CA10: variants seen among roughly 807,000 people sequenced by gnomAD.
The protein encoded by CA10 is carbonic anhydrase-related protein 10.
In CA10, 14 loss-of-function variants were observed where a neutral mutation model predicts 44.2. The observed-to-expected ratio is 0.32, with a 90% CI of 0.21 to 0.50. The LOEUF is 0.50. CA10 is among the 20% of genes least tolerant of loss of function. CA10 has a pLI of 0.99. For missense variants in CA10, 350 were observed against 409.7 expected, an observed-to-expected ratio of 0.85 and a Z score of 1.26; for synonymous variants, 159 against 141.6, an observed-to-expected ratio of 1.12 and a Z score of -0.87.
intron 4 of CA10, among the ~76,000 whole-genome samples, chr17:51,725,936 ATGAGAACACAC>A (rs1431372468): frequency 2.0e-5 from 3 of 151,796 alleles, no homozygotes; most frequent in African/African-American, 7.3e-5. Flanking sequence ...GTGAAGTGTA[ATGAGAACACAC>A]TTACACATTC....
chr17:52,030,212 G>T (rs1986423701), intron 2 of CA10, among the ~76,000 whole-genome samples: 1 of 152,192 alleles, frequency 6.6e-6, no homozygotes, highest in Non-Finnish European at 1.5e-5. Flanking sequence ...TGCATGAATG[G>T]TTCTGGCCTT....
chr17:52,005,514 T>C (rs563802758), intron 2 of CA10, among the ~76,000 whole-genome samples: 40 of 152,048 alleles, frequency 2.6e-4, no homozygotes, highest in African/African-American at 9.6e-4. Flanking sequence ...TCACACAATA[T>C]GACTCTTTAG....
intron 4 of CA10, among the ~76,000 whole-genome samples, chr17:51,707,464 A>T (rs545265267): frequency 1.3e-5 from 2 of 152,286 alleles, no homozygotes; most frequent in East Asian, 3.9e-4. Context: ...TAGCTCTCAC[A>T]GGTTGCCAGA....
In CA10 at chr17:52,072,312, T is replaced by G; in HGVS notation, c.136+7A>C. The G allele has an allele frequency of 1.3e-6, 2 of 1,577,360 alleles. No individual in the cohort carries two copies. The highest frequency in any genetic ancestry group is 1.7e-6 in the Non-Finnish European group (2 of 1,146,958). ...ATAAATAAATTAAAGAATTAATGTG[T>G]ACTTACCTGGAACAAAGCTTCCCTG... On this transcript the variant is annotated splice_region_variant and intron_variant, in intron 2 of 8. Transcript: ENST00000451037.
At chr17:51,823,396 G>A (rs886331894) in intron 3 of CA10, among the ~76,000 whole-genome samples, 14 of 152,320 alleles carry the variant, frequency 9.2e-5, no homozygotes, top group South Asian at 4.1e-4. Context: ...TCCTCTACTC[G>A]TGGTTGGACG....
At chr17:51,637,855 C>T (rs951818995) in intron 6 of CA10, among the ~76,000 whole-genome samples, 2 of 152,246 alleles carry the variant, frequency 1.3e-5, no homozygotes, top group East Asian at 1.9e-4. Context: ...ACTAGAACCT[C>T]TTTGTGCTAG....
In CA10 at chr17:51,958,983, T is replaced by C. The variant is rs183792622; in HGVS notation, c.137-27851A>G. Among the ~76,000 whole-genome samples, 4 of 152,250 alleles carry C rather than the reference T, an allele frequency of 2.6e-5. No individual in the cohort carries two copies. The East Asian group carries it at 7.7e-4, about 29-fold the overall frequency. ...TTGGGGAATGAAATGAAATGGAAAG[T>C]AGTATCAATATGGTATTAAGCTTAA... On this transcript the variant is annotated intron_variant, in intron 2 of 8. Transcript: ENST00000451037.
At chr17:51,983,365 C>A (rs1984718160) in intron 2 of CA10, among the ~76,000 whole-genome samples, 1 of 151,792 alleles carries the variant, frequency 6.6e-6, no homozygotes, top group Non-Finnish European at 1.5e-5. Context: ...ATCTCTCTCA[C>A]ATAAGGCTTT....
chr17:51,834,914 T>C (rs1013661272), intron 3 of CA10, among the ~76,000 whole-genome samples: 1 of 152,186 alleles, frequency 6.6e-6, no homozygotes, highest in Admixed American at 6.5e-5. Flanking sequence ...AGGATCAGTA[T>C]GACAATTCTA....
At chr17:51,978,860 A>C (rs901973004) in intron 2 of CA10, among the ~76,000 whole-genome samples, 11 of 152,058 alleles carry the variant, frequency 7.2e-5, no homozygotes, top group African/African-American at 2.2e-4. Flanking sequence ...TTCAAGCAAT[A>C]AGTCTCATGA....
chr17:51,756,938 G>T (rs796160436), intron 3 of CA10, among the ~76,000 whole-genome samples: 1 of 152,206 alleles, frequency 6.6e-6, no homozygotes, highest in African/African-American at 2.4e-5. Context: ...GGAGTTGAGA[G>T]ATGGGTCATA....
Position 52,142,993 on chromosome 17 carries a change from C to T in CA10, c.61+14733G>A, listed in dbSNP as rs185525409. 3.3e-3 allele frequency among the ~76,000 whole-genome samples: 504 copies of T among 152,228 alleles called. 2 individuals are homozygous for T. The highest frequency in any genetic ancestry group is 0.016 in the South Asian group (75 of 4,824). On this transcript the variant is annotated intron_variant, in intron 1 of 8. Transcript: ENST00000451037. ...AAATAAAATACTTTTAACATCATTT[C>T]TAAATTGTTTCTCCAGTGTTCCCTC... is the stretch of plus-strand genomic sequence containing the variant.
intron 2 of CA10, among the ~76,000 whole-genome samples, chr17:51,934,797 T>C (rs1438082208): frequency 6.6e-6 from 1 of 152,086 alleles, no homozygotes; most frequent in East Asian, 1.9e-4. Flanking sequence ...TCAGTGCTGT[T>C]AGGAGCGGTG....
intron 2 of CA10, among the ~76,000 whole-genome samples, chr17:51,936,353 G>A (rs1020896597): frequency 5.3e-5 from 8 of 152,090 alleles, no homozygotes; most frequent in African/African-American, 9.7e-5. Context: ...GAGACAAGAC[G>A]GTAATGGATC....
At chr17:51,821,023 TCCTCCCTCCCTCCCTCCCTCCCTCCCTC>T (rs768265204) in intron 3 of CA10, among the ~76,000 whole-genome samples, 4 of 42,318 alleles carry the variant, frequency 9.5e-5, no homozygotes, top group Non-Finnish European at 1.3e-4. Context: ...CTCCCTTAAT[TCCTCCCTCCCTCCCTCCCTCCCTCCCTC>T]CCTCCCTCCC....
At chr17:51,736,328 G>A (rs571272894) in intron 4 of CA10, among the ~76,000 whole-genome samples, 1 of 152,320 alleles carries the variant, frequency 6.6e-6, no homozygotes, top group East Asian at 1.9e-4. Context: ...AGAGGCAGCT[G>A]CAACAGGTAG....
intron 3 of CA10, among the ~76,000 whole-genome samples, chr17:51,846,397 A>T (rs568077266): frequency 2.6e-5 from 4 of 152,212 alleles, no homozygotes; most frequent in Non-Finnish European, 5.9e-5. Flanking sequence ...GGAAACCCTG[A>T]GCTGGGGCTG....
intron 2 of CA10, among the ~76,000 whole-genome samples, chr17:52,028,612 C>A (rs1986370928): frequency 6.6e-6 from 1 of 152,074 alleles, no homozygotes; most frequent in African/African-American, 2.4e-5. Context: ...GCATCACTTG[C>A]AAATATTGGA....
At chr17:51,827,339 CACACACACACACACAT>C (rs371844733) in intron 3 of CA10, among the ~76,000 whole-genome samples, 113 of 150,946 alleles carry the variant, frequency 7.5e-4, no homozygotes, top group African/African-American at 2.3e-3. Flanking sequence ...CACGCACACA[CACACACACACACACAT>C]ACACACACAC....
Sources: gnomAD v4.1 joint callset for allele counts (sites outside exome capture counted in the v4.1 genomes callset) on GRCh38, gnomAD v4.1.1 for gene constraint, MANE v1.5 for transcripts, NCBI Gene and HGNC (gene_info 2026-07-23, HGNC 2026-07-21) for gene names.